Variants in GFOD2 observed in about 807,000 individuals in gnomAD.
GFOD2 encodes the protein glucose-fructose oxidoreductase domain-containing protein 2.
A neutral mutation model predicts 24.6 loss-of-function variants in GFOD2; 9 were observed. The observed-to-expected ratio is 0.37, with a 90% confidence interval of 0.22 to 0.64. The LOEUF (loss-of-function observed/expected upper bound fraction) is 0.64. Among genes scored for constraint, GFOD2 ranks in the 30% least tolerant of loss-of-function variants. GFOD2 has a pLI of 0.65. For synonymous variants in GFOD2, 211 were observed against 224.8 expected, an observed-to-expected ratio of 0.94 and a Z score of 0.55; for missense variants, 476 against 532.5, an observed-to-expected ratio of 0.89 and a Z score of 1.04.
chr16:67,705,962 A>T (rs990425204), intron 1 of GFOD2, among the ~76,000 whole-genome samples: 1 of 133,460 alleles, frequency 7.5e-6, no homozygotes. Flanking sequence ...AGTGCCTGTT[A>T]TGGTTTTCCC....
chr16:67,693,414 G>A (rs1481188750), intron 1 of GFOD2, among the ~76,000 whole-genome samples: 3 of 151,854 alleles, frequency 2.0e-5, no homozygotes, highest in African/African-American at 4.8e-5. Context: ...GTGTCATCAC[G>A]CCCTGCTAAT....
chr16:67,688,734 C>CT (rs113977188), intron 1 of GFOD2, among the ~76,000 whole-genome samples: 18,159 of 131,048 alleles, frequency 0.14, 1,670 homozygotes, highest in African/African-American at 0.2. Flanking sequence ...ATAAAATTTA[C>CT]TTTTTTTTTT....
At chr16:67,697,358 AAGATATCTGTT>A (rs2053366151) in intron 1 of GFOD2, among the ~76,000 whole-genome samples, 1 of 152,202 alleles carries the variant, frequency 6.6e-6, no homozygotes, top group Non-Finnish European at 1.5e-5. Context: ...TTCTGAAAAA[AAGATATCTGTT>A]AACTATCTGT....
chr16:67,676,427 C>G (rs1206797559), intron 2 of GFOD2: 1 of 222,072 alleles, frequency 4.5e-6, no homozygotes, highest in East Asian at 1.3e-4. Flanking sequence ...CCAATTTCTT[C>G]AAATAAATCT....
chr16:67,693,455 A>G (rs1000259123), intron 1 of GFOD2, among the ~76,000 whole-genome samples: 1 of 152,058 alleles, frequency 6.6e-6, no homozygotes, highest in African/African-American at 2.4e-5. Context: ...TGTTTTTTGT[A>G]GAGACAGGGT....
chr16:67,710,428 G>A (rs1220590916), intron 1 of GFOD2, among the ~76,000 whole-genome samples: 1 of 151,754 alleles, frequency 6.6e-6, no homozygotes, highest in African/African-American at 2.4e-5. Context: ...GCAGTGGTGC[G>A]ATCTCAGCTC....
intron 2 of GFOD2, among the ~76,000 whole-genome samples, chr16:67,678,907 C>T (rs2053203616): frequency 2.0e-5 from 3 of 152,196 alleles, no homozygotes; most frequent in Admixed American, 6.5e-5. Flanking sequence ...GTGGCTCACG[C>T]TTATAATCCC....
intron 2 of GFOD2, chr16:67,683,236 C>G: frequency 1.9e-6 from 2 of 1,077,248 alleles, no homozygotes; most frequent in Non-Finnish European, 2.2e-6. Flanking sequence ...TACCAAGAAC[C>G]AGAAAAAAAG....
At chr16:67,687,103 G>A (rs1567655959) in intron 1 of GFOD2, among the ~76,000 whole-genome samples, 2 of 145,950 alleles carry the variant, frequency 1.4e-5, no homozygotes, top group African/African-American at 2.6e-5. Context: ...ATCTGAGATT[G>A]TGCCACTGCA....
intron 1 of GFOD2, among the ~76,000 whole-genome samples, chr16:67,701,664 CTT>C (rs748191470): frequency 1.3e-4 from 19 of 151,934 alleles, no homozygotes; most frequent in Non-Finnish European, 2.2e-4. Flanking sequence ...TGTTCTGTAT[CTT>C]GTCTAGGGTG....
At chr16:67,678,900 G>A (rs1394688908) in intron 2 of GFOD2, among the ~76,000 whole-genome samples, 1 of 152,190 alleles carries the variant, frequency 6.6e-6, no homozygotes. Flanking sequence ...GGGCGTGGTG[G>A]CTCACGCTTA....
At chr16:67,685,985 G>A (rs1003930120) in intron 1 of GFOD2, among the ~76,000 whole-genome samples, 183 bp from the exon 2 acceptor site, 3 of 152,092 alleles carry the variant, frequency 2.0e-5, no homozygotes, top group African/African-American at 7.2e-5. Context: ...AATAGGGCTC[G>A]AGGCCAGGCA....
intron 1 of GFOD2, among the ~76,000 whole-genome samples, chr16:67,707,008 G>A (rs1425269202): frequency 2.7e-5 from 4 of 149,036 alleles, no homozygotes; most frequent in East Asian, 2.0e-4. Context: ...GCAGTGAGCC[G>A]AGATCGCACC....
intron 1 of GFOD2, among the ~76,000 whole-genome samples, chr16:67,704,616 T>C (rs563201546): frequency 6.6e-6 from 1 of 152,180 alleles, no homozygotes; most frequent in Non-Finnish European, 1.5e-5. Context: ...TCAAGGTTAC[T>C]AATAATCCAG....
chr16:67,686,764 A>G (rs191587957), intron 1 of GFOD2, among the ~76,000 whole-genome samples: 1 of 151,996 alleles, frequency 6.6e-6, no homozygotes, highest in African/African-American at 2.4e-5. Flanking sequence ...TGAACCCAGG[A>G]GGCAGAGATT....
At chr16:67,684,388 A>AT (rs1555545236) in intron 2 of GFOD2, 2 of 150,844 alleles carry the variant, frequency 1.3e-5, no homozygotes, top group South Asian at 2.1e-4. Flanking sequence ...AAATAAAATA[A>AT]AATAATAATA....
chr16:67,715,068 T>C (rs1317347037), intron 1 of GFOD2, among the ~76,000 whole-genome samples: 3 of 152,298 alleles, frequency 2.0e-5, no homozygotes, highest in Non-Finnish European at 4.4e-5. Flanking sequence ...TTCTTTCTTT[T>C]TTTTTTTGAG....
Position 67,675,971 on chromosome 16 carries a change from C to T in GFOD2, c.342G>A (p.Pro114=), listed in dbSNP as rs201540487. ...FRMVTASRYY[P]QLMSLVGNVL... ...CGTTCCCTACCAGGCTCATGAGCTG[C>T]GGGTAGTAGCGCGAGGCTGTCACCA... The change falls in exon 3 of 3, where the codon CCG becomes CCA. Residue 114 remains proline, a synonymous_variant. Coordinates refer to ENST00000268797, the MANE Select transcript of GFOD2 (RefSeq NM_030819.4). 139 of 1,614,206 alleles carry T rather than the reference C, an allele frequency of 8.6e-5. No homozygotes were observed. The highest frequency in any genetic ancestry group is 8.2e-4 in the Middle Eastern group (5 of 6,062).
intron 1 of GFOD2, among the ~76,000 whole-genome samples, chr16:67,703,239 A>AC (rs1006708948): frequency 1.3e-5 from 2 of 152,052 alleles, no homozygotes; most frequent in African/African-American, 2.4e-5. Flanking sequence ...CCCCATCTCT[A>AC]CTAAAAATAC....
Sources: allele counts gnomAD v4.1 joint callset (sites outside exome capture counted in the v4.1 genomes callset), GRCh38; gene constraint gnomAD v4.1.1; transcripts MANE v1.5; gene names NCBI Gene and HGNC (gene_info 2026-07-23, HGNC 2026-07-21).